The following ASTN2 variants were observed in gnomAD, a reference collection of about 807,000 sequenced individuals.
The protein encoded by ASTN2 is astrotactin 2.
In ASTN2, 54 loss-of-function variants were observed where a neutral mutation model predicts 139.8. The ratio of observed to expected loss-of-function variants is 0.39; its 90% CI spans 0.31 to 0.48. The LOEUF is 0.48. Ranked by LOEUF, ASTN2 falls within the 20% of genes least tolerant of loss-of-function variation. ASTN2 has a pLI of 0.95. For synonymous variants in ASTN2, 756 were observed against 719.5 expected (o/e 1.05, Z -0.81); for missense variants, 1,565 against 1,725.1 (o/e 0.91, Z 1.64).
At chr9:116,464,939 C>A (rs1488532715) in intron 20 of ASTN2, among the ~76,000 whole-genome samples, 1 of 152,214 alleles carries the variant, frequency 6.6e-6, no homozygotes, top group Admixed American at 6.5e-5. Context: ...CCTCTTCAAC[C>A]CAACTGTTGC....
chr9:116,571,313 C>A (rs955851837), intron 19 of ASTN2, among the ~76,000 whole-genome samples: 1 of 152,176 alleles, frequency 6.6e-6, no homozygotes, highest in Non-Finnish European at 1.5e-5. Context: ...GGAAAGAGAC[C>A]AAGCTGAGCA....
rs562858487 is a variant in ASTN2, at chr9:117,163,188, C to T, written c.1016-21710G>A. 2.6e-5 allele frequency among the ~76,000 whole-genome samples: 4 copies of T among 152,162 alleles called. No homozygotes were observed. In the East Asian group the frequency reaches 7.8e-4, roughly 30 times the overall value. Reference sequence around the variant, plus strand: ...CAAGTTTCACCTGCCTTCCTCAGCTCCCAAGACAGCTACAACTCCAGTTAG... The same window carrying T: ...CAAGTTTCACCTGCCTTCCTCAGCTTCCAAGACAGCTACAACTCCAGTTAG... On this transcript the variant is annotated intron_variant, in intron 3 of 22. Transcript: ENST00000313400.
chr9:116,466,871 T>C (rs1300100894), intron 20 of ASTN2, among the ~76,000 whole-genome samples: 1 of 152,184 alleles, frequency 6.6e-6, no homozygotes, highest in Non-Finnish European at 1.5e-5. Context: ...ATAATAAGAC[T>C]CTGAGAATAA....
chr9:116,942,623 C>A lies in ASTN2; in HGVS notation c.1889+32585G>T, dbSNP rs1320240898. On this transcript the variant is annotated intron_variant, in intron 10 of 22. Coordinates refer to ENST00000313400, the MANE Select transcript of ASTN2 (RefSeq NM_001365068.1). ...GATTTGCTGCTCATGTGCATGTGTG[C>A]ACACACACACTCAACCTGAAAGGAA... 3.9e-5 allele frequency among the ~76,000 whole-genome samples: 6 copies of A among 152,222 alleles called. No homozygotes were observed. The East Asian group carries it at 1.2e-3, about 29-fold the overall frequency.
chr9:117,154,103 T>A (rs1830382495), intron 3 of ASTN2, among the ~76,000 whole-genome samples: 1 of 151,996 alleles, frequency 6.6e-6, no homozygotes, highest in Admixed American at 6.6e-5. Context: ...TAAACATATG[T>A]AAGTCAACTA....
chr9:116,959,771 G>T (rs1835825457), intron 10 of ASTN2, among the ~76,000 whole-genome samples: 2 of 152,114 alleles, frequency 1.3e-5, no homozygotes, highest in South Asian at 4.2e-4. Flanking sequence ...AAGACAGAAA[G>T]GAAAACAACC....
intron 10 of ASTN2, among the ~76,000 whole-genome samples, chr9:116,882,903 GA>G (rs1833487679): frequency 6.6e-6 from 1 of 152,042 alleles, no homozygotes; most frequent in Non-Finnish European, 1.5e-5. Flanking sequence ...TCTCAGTGCC[GA>G]AGGGGGTGTA....
intron 19 of ASTN2, among the ~76,000 whole-genome samples, chr9:116,613,871 G>T (rs1588084086): frequency 6.6e-6 from 1 of 152,246 alleles, no homozygotes; most frequent in African/African-American, 2.4e-5. Context: ...GGAAGTTCTG[G>T]CCAGGGCAAT....
chr9:116,564,893 G>T (rs1211393083), intron 19 of ASTN2, among the ~76,000 whole-genome samples: 3 of 151,948 alleles, frequency 2.0e-5, no homozygotes, highest in East Asian at 1.9e-4. Flanking sequence ...ATCAACTCAG[G>T]TATTGTAAGG....
At chr9:117,237,432 C>G (rs921445877) in intron 2 of ASTN2, among the ~76,000 whole-genome samples, 5 of 152,084 alleles carry the variant, frequency 3.3e-5, no homozygotes, top group Admixed American at 3.3e-4. Context: ...TGGATTCATG[C>G]AGCACCTTAG....
intron 10 of ASTN2, among the ~76,000 whole-genome samples, chr9:116,877,371 C>T (rs1420032196): frequency 6.6e-6 from 1 of 152,118 alleles, no homozygotes; most frequent in South Asian, 2.1e-4. Flanking sequence ...TTGGAACAGT[C>T]ACTCAACAAA....
At chr9:116,533,395 A>G (rs1345785497) in intron 19 of ASTN2, among the ~76,000 whole-genome samples, 2 of 152,152 alleles carry the variant, frequency 1.3e-5, no homozygotes, top group Non-Finnish European at 2.9e-5. Context: ...TCCCAACGCT[A>G]TGTTGAATAG....
rs369914209 is a variant in ASTN2, at chr9:117,225,535, G to GTATGTGTATATATATATATATA, written c.631-10794_631-10793insTATATATATATATATACACATA. 5.0e-4 allele frequency among the ~76,000 whole-genome samples: 32 copies of GTATGTGTATATATATATATATA among 63,956 alleles called. 1 individual carries two copies. Among genetic ancestry groups the GTATGTGTATATATATATATATA allele is most frequent in the African/African-American group, 1.3e-3 (30 of 22,934 alleles). The allele number at this position is 63,956 out of a possible 152,430, so 42.0% of individuals were successfully genotyped here. On this transcript the variant is annotated intron_variant, in intron 2 of 22. Coordinates refer to ENST00000313400, the MANE Select transcript of ASTN2 (RefSeq NM_001365068.1). ...CAAGACCAGCCTGGCCAAGCTGTATGTATATATATATATATATATATATAT... is the reference window on the plus strand; with the variant it reads ...CAAGACCAGCCTGGCCAAGCTGTATGTATGTGTATATATATATATATATATATATATATATATATATATATAT...
chr9:117,060,048 T>C (rs1200978296), intron 5 of ASTN2, among the ~76,000 whole-genome samples: 1 of 152,084 alleles, frequency 6.6e-6, no homozygotes, highest in Non-Finnish European at 1.5e-5. Flanking sequence ...TGGTGGCTCA[T>C]GCCTGTAATC....
At chr9:117,127,882 G>A (rs1001904941) in intron 4 of ASTN2, among the ~76,000 whole-genome samples, 16 of 151,666 alleles carry the variant, frequency 1.1e-4, no homozygotes, top group Admixed American at 2.6e-4. Flanking sequence ...GGGTTTCACT[G>A]TTTTAGCCAG....
intron 6 of ASTN2, among the ~76,000 whole-genome samples, chr9:117,015,101 C>T (rs1264571081): frequency 6.6e-6 from 1 of 152,110 alleles, no homozygotes; most frequent in East Asian, 1.9e-4. Context: ...GCCTCGACCT[C>T]CCTGGCTCAG....
At chr9:116,494,782 G>A (rs1250698259) in intron 19 of ASTN2, among the ~76,000 whole-genome samples, 2 of 152,146 alleles carry the variant, frequency 1.3e-5, no homozygotes, top group African/African-American at 2.4e-5. Flanking sequence ...ATCTACCTAG[G>A]AATGTCAGAG....
chr9:117,070,010 C>G (rs10983500), intron 5 of ASTN2, among the ~76,000 whole-genome samples: 2 of 149,856 alleles, frequency 1.3e-5, no homozygotes, highest in Admixed American at 1.3e-4. Context: ...TCCATTTACA[C>G]TTAAAGTTAA....
At chr9:116,651,824 G>A (rs1359591102) in intron 16 of ASTN2, 31 bp from the exon 17 acceptor site, 1 of 1,603,678 alleles carries the variant, frequency 6.2e-7, no homozygotes. Context: ...AAGAGCGAAA[G>A]GTAAACTCAG....
Sources: gnomAD v4.1 joint callset for allele counts (sites outside exome capture counted in the v4.1 genomes callset) on GRCh38, gnomAD v4.1.1 for gene constraint, MANE v1.5 for transcripts, NCBI Gene and HGNC (gene_info 2026-07-23, HGNC 2026-07-21) for gene names.